The following GALNT4 variants were observed in gnomAD, a reference collection of about 807,000 sequenced individuals.
GALNT4 encodes the protein UDP-GalNAc:polypeptide N-acetylgalactosaminyltransferase 4.
GALNT4 carries 23 observed loss-of-function variants against 45.1 expected under a neutral mutation model. The ratio of observed to expected loss-of-function variants is 0.51; its 90% CI spans 0.37 to 0.72. GALNT4 has a LOEUF of 0.72. Ranked by LOEUF, GALNT4 falls within the 30% of genes least tolerant of loss-of-function variation. The pLI, the probability that GALNT4 is intolerant of heterozygous loss-of-function variation, is 0.00. For synonymous variants in GALNT4, 264 were observed against 257.6 expected (o/e 1.02, Z -0.24); for missense variants, 757 against 709.0 (o/e 1.07, Z -0.77).
Position 89,520,508 on chromosome 12 carries a change from A to T in GALNT4, c.*2305T>A, listed in dbSNP as rs1358082161. ...CTTTCGAAAAATTCAGAGCATTATT[A>T]TTAATCCTTCTTAAATTAAATGCAG... On this transcript the variant is annotated 3_prime_UTR_variant, in exon 1 of 1. Transcript: ENST00000529983. 6.6e-6 allele frequency: 1 copy of T among 152,200 alleles called. No individual in the cohort carries two copies. Among genetic ancestry groups the T allele is most frequent in the Non-Finnish European group, 1.5e-5 (1 of 68,038 alleles). 9.4% of individuals were successfully genotyped at this position (152,200 alleles called of 1,614,324 possible). A position where few individuals can be genotyped will look rare whatever the true frequency, so the allele number is the denominator to read the frequency against.
At position 89,520,826 on chromosome 12, in the gene GALNT4, G is replaced by A. The variant is rs566217955; in HGVS notation, c.*1987C>T. 85 of 152,174 alleles carry A rather than the reference G, an allele frequency of 5.6e-4. No homozygotes were observed. Among genetic ancestry groups the A allele is most frequent in the African/African-American group, 1.9e-3 (78 of 41,512 alleles). 9.4% of individuals were successfully genotyped at this position (152,174 alleles called of 1,614,324 possible). ...ATTTTTCATAAATCTAGGCCAAAGT[G>A]AACTAATTGAGATTTAATTCTAAAT... is the stretch of plus-strand genomic sequence containing the variant. On this transcript the variant is annotated 3_prime_UTR_variant, in exon 1 of 1. Coordinates refer to ENST00000529983, the MANE Select transcript of GALNT4 (RefSeq NM_003774.5).
chr12:89,524,041 A>T lies in GALNT4; in HGVS notation c.509T>A (p.Ile170Asn), dbSNP rs937046471. The T allele has an allele frequency of 6.2e-7, 1 of 1,613,594 alleles. No homozygotes were observed. The highest frequency in any genetic ancestry group is 1.3e-5 in the African/African-American group (1 of 75,020). Residue 170 changes from isoleucine (I) to asparagine (N), a missense_variant, in exon 1 of 1, where the codon ATC (isoleucine) becomes AAC (asparagine). Ile to Asn is a moderately radical substitution (Grantham distance 149). Transcript: ENST00000529983. Reference sequence around the variant, plus strand: ...GTCACTCAAGTCATCCACCAAGATGATCTCTTTCAAAAGAACTGCAGGAGA... The same window carrying T: ...GTCACTCAAGTCATCCACCAAGATGTTCTCTTTCAAAAGAACTGCAGGAGA... ...ETSPAVLLKE[I>N]ILVDDLSDRV...
rs1870747772 is a variant in GALNT4, at chr12:89,520,379, A to C, written c.*2434T>G. 1 of 152,100 alleles carries C rather than the reference A, an allele frequency of 6.6e-6. No individual in the cohort carries two copies. The highest frequency in any genetic ancestry group is 1.5e-5 in the Non-Finnish European group (1 of 68,024). 9.4% of individuals were successfully genotyped at this position (152,100 alleles called of 1,614,324 possible). A position where few individuals can be genotyped will look rare whatever the true frequency, so the allele number is the denominator to read the frequency against. The stretch of plus-strand genomic sequence containing the variant: ...CATATAACAGGTGGCTAACAAGAAA[A>C]CCAAAAATAAATAAAAAGAGAAAAT... On this transcript the variant is annotated 3_prime_UTR_variant, in exon 1 of 1. Transcript: ENST00000529983.
chr12:89,522,489 C>G lies in GALNT4; in HGVS notation c.*324G>C. The G allele has an allele frequency of 2.9e-6, 1 of 345,670 alleles. No homozygotes were observed. The highest frequency in any genetic ancestry group is 4.4e-5 in the East Asian group (1 of 22,796). 21.4% of individuals were successfully genotyped at this position (345,670 alleles called of 1,614,324 possible). On this transcript the variant is annotated 3_prime_UTR_variant, in exon 1 of 1. Coordinates refer to ENST00000529983, the MANE Select transcript of GALNT4 (RefSeq NM_003774.5). ...TAAATCATACCTCATTTTACTTGGA[C>G]CTTTACATTCTTTAATATTAAGTCT...
rs1419871056 is a variant in GALNT4, at chr12:89,519,512, A to C, written c.*3301T>G. On this transcript the variant is annotated 3_prime_UTR_variant, in exon 1 of 1. Coordinates refer to ENST00000529983, the MANE Select transcript of GALNT4 (RefSeq NM_003774.5). ...AAACAACTCATCACAGAGGAAAAAA[A>C]CATCATTCAGAAGAGATTAATCTGA... The C allele has an allele frequency of 6.6e-6, 1 of 152,602 alleles. No individual in the cohort carries two copies. 9.5% of individuals were successfully genotyped at this position (152,602 alleles called of 1,614,324 possible). A position where few individuals can be genotyped will look rare whatever the true frequency, so the allele number is the denominator to read the frequency against.
Position 89,523,822 on chromosome 12 carries a change from C to A in GALNT4, c.728G>T (p.Arg243Met). Residue 243 changes from arginine to methionine, a missense_variant, in exon 1 of 1, where the codon AGG becomes ATG. Arg to Met is a moderately conservative substitution (Grantham distance 91, BLOSUM62 -1). Coordinates refer to ENST00000529983, the MANE Select transcript of GALNT4 (RefSeq NM_003774.5). Reference protein sequence around the residue: ...NSGWLEPLLERIGRDETAVVC... With the variant: ...NSGWLEPLLEMIGRDETAVVC... ...AACTGCTGTTTCATCTCTCCCAATC[C>A]TTTCCAAAAGCGGTTCCAGCCAACC... is the stretch of plus-strand genomic sequence containing the variant. 1 of 1,541,366 alleles carries A rather than the reference C, an allele frequency of 6.5e-7. No individual in the cohort carries two copies. The highest frequency in any genetic ancestry group is 8.7e-7 in the Non-Finnish European group (1 of 1,149,600).
In GALNT4 at chr12:89,521,067, G is replaced by A. The variant is rs1870811536; in HGVS notation, c.*1746C>T. On this transcript the variant is annotated 3_prime_UTR_variant, in exon 1 of 1. Coordinates refer to ENST00000529983, the MANE Select transcript of GALNT4 (RefSeq NM_003774.5). Reference sequence around the variant, plus strand: ...GACTAGAACTTCTTAACCCACAGAAGTAAACCACTTCAGGTGAGTTCAGCT... The same window carrying A: ...GACTAGAACTTCTTAACCCACAGAAATAAACCACTTCAGGTGAGTTCAGCT... 6.6e-6 allele frequency: 1 copy of A among 150,992 alleles called. No homozygotes were observed. 9.4% of individuals were successfully genotyped at this position (150,992 alleles called of 1,614,324 possible).
In GALNT4 at chr12:89,523,367, A is replaced by T. The variant is rs1476504987; in HGVS notation, c.1183T>A (p.Tyr395Asn). Residue 395 changes from tyrosine (Y) to asparagine (N), a missense_variant, in exon 1 of 1, where the codon TAC (tyrosine) becomes AAC (asparagine). Tyr to Asn is a moderately radical substitution (Grantham distance 143). Coordinates refer to ENST00000529983, the MANE Select transcript of GALNT4 (RefSeq NM_003774.5). ...VWMDEYKEHF[Y>N]NRNPPARKEA... ...TTTCTTGCTGGAGGGTTTCTATTGT[A>T]GAAGTGCTCTTTGTATTCATCCATC... is the stretch of plus-strand genomic sequence containing the variant. 6 of 1,613,938 alleles carry T rather than the reference A, an allele frequency of 3.7e-6. No homozygotes were observed. The highest frequency in any genetic ancestry group is 5.1e-6 in the Non-Finnish European group (6 of 1,179,910).
chr12:89,522,821 C>CA lies in GALNT4; in HGVS notation c.1728dup (p.Glu577Ter). On this transcript the variant is annotated frameshift_variant, in exon 1 of 1. Coordinates refer to ENST00000529983, the MANE Select transcript of GALNT4 (RefSeq NM_003774.5). LOFTEE classifies it high-confidence loss of function. ...GAAAGTGCTGTTGTGCTCTATTTCT[C>CA]AAAACTCCAAATTTGATTTTTATCT... 1 of 1,579,334 alleles carries CA rather than the reference C, an allele frequency of 6.3e-7. No individual in the cohort carries two copies. Among genetic ancestry groups the CA allele is most frequent in the Non-Finnish European group, 8.6e-7 (1 of 1,164,424 alleles).
chr12:89,521,881 AG>A lies in GALNT4; in HGVS notation c.*931del. 5.0e-6 allele frequency: 2 copies of A among 397,934 alleles called. No individual in the cohort carries two copies. Among genetic ancestry groups the A allele is most frequent in the Non-Finnish European group, 8.9e-6 (2 of 225,920 alleles). The allele number at this position is 397,934 out of a possible 1,614,324, so 24.7% of individuals were successfully genotyped here. A position where few individuals can be genotyped will look rare whatever the true frequency, so the allele number is the denominator to read the frequency against. On this transcript the variant is annotated 3_prime_UTR_variant, in exon 1 of 1. Coordinates refer to ENST00000529983, the MANE Select transcript of GALNT4 (RefSeq NM_003774.5). Reference sequence around the variant, plus strand: ...GAGTTCCACAGCCTTGGTAGAACCTAGCCCACTTTCAGTTTCACACATTTTA... The same window carrying A: ...GAGTTCCACAGCCTTGGTAGAACCTACCCACTTTCAGTTTCACACATTTTA...
At position 89,523,131 on chromosome 12, in the gene GALNT4, T is replaced by C. The variant is rs1023887895; in HGVS notation, c.1419A>G (p.Ser473=). The C allele has an allele frequency of 7.4e-6, 12 of 1,613,768 alleles. No individual in the cohort carries two copies. The highest frequency in any genetic ancestry group is 9.3e-6 in the Non-Finnish European group (11 of 1,179,798). ...PDNNPTGANL[S]LFGCHGQGGN... ...CTCCTTGACCATGGCATCCAAACAG[T>C]GAAAGGTTAGCACCTGTGGGGTTGT... is the stretch of plus-strand genomic sequence containing the variant. Residue 473 remains serine (S), a synonymous_variant, in exon 1 of 1, where the codon TCA becomes TCG. Transcript: ENST00000529983.
Position 89,523,283 on chromosome 12 carries a change from T to C in GALNT4, c.1267A>G (p.Ser423Gly), listed in dbSNP as rs2135779724. 6.2e-7 allele frequency: 1 copy of C among 1,614,060 alleles called. No homozygotes were observed. Among genetic ancestry groups the C allele is most frequent in the African/African-American group, 1.3e-5 (1 of 75,058 alleles). The change falls in exon 1 of 1, where the codon AGC becomes GGC. Residue 423 changes from serine to glycine, a missense_variant. Coordinates refer to ENST00000529983, the MANE Select transcript of GALNT4 (RefSeq NM_003774.5). ...KLLRERLRCK[S>G]FDWYLKNVFP... ...ACGTTTTTCAAATACCAGTCAAAGC[T>C]CTTGCATCTCAACCGCTCTCGTAGT...
chr12:89,523,603 A>G lies in GALNT4; in HGVS notation c.947T>C (p.Val316Ala), dbSNP rs1267595421. 1 of 1,560,546 alleles carries G rather than the reference A, an allele frequency of 6.4e-7. No individual in the cohort carries two copies. Among genetic ancestry groups the G allele is most frequent in the Admixed American group, 2.0e-5 (1 of 50,676 alleles). ...AAGGTACTGAAAATATTTCTTGCTG[A>G]CAGCAAACAGTCCTCCAGCCATGGT... ...SPTMAGGLFA[V>A]SKKYFQYLGT... Residue 316 changes from valine to alanine, a missense_variant, in exon 1 of 1, where the codon GTC becomes GCC. By Grantham distance (64) the Val-to-Ala change is moderately conservative. Transcript: ENST00000529983.
Position 89,523,759 on chromosome 12 carries a change from A to C in GALNT4, c.791T>G (p.Phe264Cys), listed in dbSNP as rs1871145517. The change falls in exon 1 of 1, where the codon TTT becomes TGT. Residue 264 changes from phenylalanine (F) to cysteine (C), a missense_variant. Physicochemically the swap from Phe to Cys is radical, Grantham distance 205. Coordinates refer to ENST00000529983, the MANE Select transcript of GALNT4 (RefSeq NM_003774.5). ...PVIDTIDWNT[F>C]EFYMQIGEPM... ...CTCCCCTATCTGCATATAGAATTCA[A>C]AAGTATTCCAATCAATTGTGTCTAT... 6.5e-7 allele frequency: 1 copy of C among 1,540,902 alleles called. No individual in the cohort carries two copies. Among genetic ancestry groups the C allele is most frequent in the Admixed American group, 2.2e-5 (1 of 45,958 alleles).
In GALNT4 at chr12:89,522,884, C is replaced by T. The variant is rs1259921187; in HGVS notation, c.1666G>A (p.Gly556Ser). The T allele has an allele frequency of 3.1e-6, 5 of 1,613,084 alleles. No individual in the cohort carries two copies. Among genetic ancestry groups the T allele is most frequent in the East Asian group, 2.2e-5 (1 of 44,894 alleles). Reference protein sequence around the residue: ...LCLSAYRTPEGRPDVQMRTCD... With the variant: ...LCLSAYRTPESRPDVQMRTCD... ...GTTCTCATTTGTACATCAGGTCGGC[C>T]CTCCGGTGTCCGATAAGCACTAAGA... is the stretch of plus-strand genomic sequence containing the variant. Residue 556 changes from glycine to serine, a missense_variant, in exon 1 of 1, where the codon GGC (glycine) becomes AGC (serine). Gly to Ser is a moderately conservative substitution (Grantham distance 56). Transcript: ENST00000529983.
rs1321994167 is a variant in GALNT4 at position 89,519,750 on chromosome 12, T to C, written c.*3063A>G. 1 of 152,538 alleles carries C rather than the reference T, an allele frequency of 6.6e-6. No individual in the cohort carries two copies. Among genetic ancestry groups the C allele is most frequent in the Non-Finnish European group, 1.5e-5 (1 of 67,998 alleles). The allele number at this position is 152,538 out of a possible 1,614,324, so 9.4% of individuals were successfully genotyped here. ...ACTTACTAATGGGTAAGTAAACAAA[T>C]TTTCTTTTACAAACAAGTTATTTTG... On this transcript the variant is annotated 3_prime_UTR_variant, in exon 1 of 1. Transcript: ENST00000529983.
rs1871003974 is a variant in GALNT4 at position 89,522,878 on chromosome 12, G to A, written c.1672C>T (p.Pro558Ser). 3 of 1,612,006 alleles carry A rather than the reference G, an allele frequency of 1.9e-6. No homozygotes were observed. ...TCACAAGTTCTCATTTGTACATCAG[G>A]TCGGCCCTCCGGTGTCCGATAAGCA... ...LSAYRTPEGR[P>S]DVQMRTCDAL... The change falls in exon 1 of 1, where the codon CCT becomes TCT. Residue 558 changes from proline to serine, a missense_variant. Physicochemically the swap from Pro to Ser is moderately conservative, Grantham distance 74. Transcript: ENST00000529983.
chr12:89,524,426 T>C lies in GALNT4; in HGVS notation c.124A>G (p.Arg42Gly), dbSNP rs779806435. ...FHASAGAGRA[R>G]ELGSRRLSDL... is the part of the protein sequence containing the mutation. The stretch of plus-strand genomic sequence containing the variant: ...GAGAGCCTTCTTGACCCCAGCTCCC[T>C]GGCACGGCCGGCTCCTGCGGAGGCA... Residue 42 changes from arginine to glycine, a missense_variant, in exon 1 of 1, where the codon AGG (arginine) becomes GGG (glycine). Arg to Gly is a moderately radical substitution (Grantham distance 125, BLOSUM62 -2). Transcript: ENST00000529983. 3.7e-6 allele frequency: 6 copies of C among 1,613,972 alleles called. No individual in the cohort carries two copies. In the East Asian group the frequency reaches 1.1e-4, roughly 30 times the overall value.
chr12:89,521,832 T>G lies in GALNT4; in HGVS notation c.*981A>C, dbSNP rs1164566537. On this transcript the variant is annotated 3_prime_UTR_variant, in exon 1 of 1. Coordinates refer to ENST00000529983, the MANE Select transcript of GALNT4 (RefSeq NM_003774.5). ...CATTTTTAAGATAAATTCTTAAATT[T>G]CCTGATCAGCAGAACTCGTAGGAGA... is the stretch of plus-strand genomic sequence containing the variant. The G allele has an allele frequency of 2.5e-6, 1 of 396,928 alleles. No homozygotes were observed. Among genetic ancestry groups the G allele is most frequent in the African/African-American group, 2.1e-5 (1 of 48,624 alleles). 24.6% of individuals were successfully genotyped at this position (396,928 alleles called of 1,614,324 possible).
Sources: gnomAD v4.1 joint callset for allele counts on GRCh38, gnomAD v4.1.1 for gene constraint, MANE v1.5 for transcripts, NCBI Gene and HGNC (gene_info 2026-07-23, HGNC 2026-07-21) for gene names.